SLC7A8: variants seen among roughly 807,000 people sequenced by gnomAD.
The protein encoded by SLC7A8 is solute carrier family 7 member 8, also known as large neutral amino acids transporter small subunit 2.
Under a neutral mutation model 51.2 loss-of-function variants are expected in SLC7A8, and 30 were observed. The observed-to-expected ratio is 0.59, with a 90% CI of 0.44 to 0.80. The LOEUF (loss-of-function observed/expected upper bound fraction) is 0.80. Among genes scored for constraint, SLC7A8 ranks in the 30% least tolerant of loss-of-function variants. The pLI is 0.00. For synonymous variants in SLC7A8, 257 were observed against 275.8 expected (o/e 0.93, Z 0.67); for missense variants, 612 against 674.4 (o/e 0.91, Z 1.03).
chr14:23,182,860 C>T lies in SLC7A8; in HGVS notation c.55G>A (p.Gly19Ser). The T allele has an allele frequency of 6.2e-7, 1 of 1,614,144 alleles. No individual in the cohort carries two copies. The highest frequency in any genetic ancestry group is 2.2e-5 in the East Asian group (1 of 44,868). ...NNTEKKHPGG[G>S]ESDASPEAGS... ...GCCTCGGGGCTGGCGTCCGACTCGC[C>T]CCCACCTGGGTGTTTCTTTTCGGTG... The change falls in exon 1 of 11, where the codon GGC becomes AGC. Residue 19 changes from glycine to serine, a missense_variant. Physicochemically the swap from Gly to Ser is moderately conservative, Grantham distance 56. Coordinates refer to ENST00000316902, the MANE Select transcript of SLC7A8 (RefSeq NM_012244.4).
At chr14:23,140,431 C>T (rs745473052) in intron 5 of SLC7A8, 40 bp downstream of exon 5, 2 of 1,562,538 alleles carry the variant, frequency 1.3e-6, no homozygotes, top group African/African-American at 1.4e-5. Flanking sequence ...GTGCTGTGGC[C>T]CTTCAAGGGA....
At chr14:23,170,750 T>A (rs2048971678) in intron 1 of SLC7A8, among the ~76,000 whole-genome samples, 2 of 151,606 alleles carry the variant, frequency 1.3e-5, no homozygotes, top group African/African-American at 4.9e-5. Flanking sequence ...TGGCTGTGGG[T>A]CTCACCACTC....
Position 23,144,662 on chromosome 14 carries a change from A to G in SLC7A8, c.509-1458T>C, listed in dbSNP as rs142296570. ...GCTGAGAACATTTGGTTAGGGTAGG[A>G]TGGTCCTGACATTAACCGTCTGTAA... On this transcript the variant is annotated intron_variant, in intron 3 of 10. Coordinates refer to ENST00000316902, the MANE Select transcript of SLC7A8 (RefSeq NM_012244.4). Among the ~76,000 whole-genome samples, 237 of 152,242 alleles carry G rather than the reference A, an allele frequency of 1.6e-3. No homozygotes were observed. In the Middle Eastern group the frequency reaches 0.017, roughly 11 times the overall value.
At chr14:23,148,898 A>G (rs2048821780) in intron 3 of SLC7A8, among the ~76,000 whole-genome samples, 1 of 152,256 alleles carries the variant, frequency 6.6e-6, no homozygotes, top group Admixed American at 6.5e-5. Context: ...TTGTAACAGT[A>G]GCAATAGGAA....
chr14:23,129,761 C>T lies in SLC7A8; in HGVS notation c.1152G>A (p.Met384Ile). ...STLLMLVTSD[M>I]YTLINYVGFI... ...AGCCCACATAGTTGATGAGTGTGTA[C>T]ATGTCGCTGGTGACCAGCATCAGCA... The change falls in exon 9 of 11, where the codon ATG becomes ATA. Residue 384 changes from methionine to isoleucine, a missense_variant. Met to Ile is a conservative substitution (Grantham distance 10). Transcript: ENST00000316902. 6.2e-7 allele frequency: 1 copy of T among 1,614,178 alleles called. No individual in the cohort carries two copies. The highest frequency in any genetic ancestry group is 8.5e-7 in the Non-Finnish European group (1 of 1,180,028).
chr14:23,172,400 C>T (rs2048979300), intron 1 of SLC7A8, among the ~76,000 whole-genome samples: 1 of 152,174 alleles, frequency 6.6e-6, no homozygotes, highest in South Asian at 2.1e-4. Flanking sequence ...TGAGCGCCCA[C>T]TCTGTACATG....
At chr14:23,175,033 G>T (rs1478110712) in intron 1 of SLC7A8, among the ~76,000 whole-genome samples, 1 of 152,202 alleles carries the variant, frequency 6.6e-6, no homozygotes, top group Non-Finnish European at 1.5e-5. Context: ...GAAGGCAGCT[G>T]TGCTGCTGGA....
chr14:23,162,502 A>G (rs774187483), intron 3 of SLC7A8, among the ~76,000 whole-genome samples: 1 of 152,228 alleles, frequency 6.6e-6, no homozygotes, highest in Non-Finnish European at 1.5e-5. Flanking sequence ...CCAAACTTAG[A>G]TAAGCTTTAT....
Position 23,145,526 on chromosome 14 carries a change from CAA to C in SLC7A8, c.509-2324_509-2323del, listed in dbSNP as rs1406855619. On this transcript the variant is annotated intron_variant, in intron 3 of 10. Coordinates refer to ENST00000316902, the MANE Select transcript of SLC7A8 (RefSeq NM_012244.4). Reference sequence around the variant, plus strand: ...TGGGTGACAGAGCTAGACCACATCTCAAAAAAAAAAGAAAAAAAAATTTTTTT... The same window carrying C: ...TGGGTGACAGAGCTAGACCACATCTCAAAAAAAAGAAAAAAAAATTTTTTT... 1.4e-4 allele frequency among the ~76,000 whole-genome samples: 6 copies of C among 41,810 alleles called. No individual in the cohort carries two copies. The South Asian group carries it at 3.0e-3, about 21-fold the overall frequency. 27.4% of individuals were successfully genotyped at this position (41,810 alleles called of 152,430 possible).
intron 8 of SLC7A8, 68 bp from the exon 9 acceptor site, chr14:23,129,867 G>A (rs1029421815): frequency 1.3e-6 from 2 of 1,563,832 alleles, no homozygotes; most frequent in African/African-American, 2.7e-5. Flanking sequence ...CAGATTAGGG[G>A]CTGTCCCCCA....
At chr14:23,168,500 T>C (rs980427123) in intron 1 of SLC7A8, among the ~76,000 whole-genome samples, 1 of 152,140 alleles carries the variant, frequency 6.6e-6, no homozygotes, top group Non-Finnish European at 1.5e-5. Flanking sequence ...GAGCGATCCA[T>C]AGGGAATTTC....
chr14:23,166,613 G>A, intron 1 of SLC7A8, 73 bp from the exon 2 acceptor site: 1 of 1,507,626 alleles, frequency 6.6e-7, no homozygotes, highest in Non-Finnish European at 9.2e-7. Flanking sequence ...CATTTGGAGG[G>A]TGGTCTCATT....
intron 7 of SLC7A8, among the ~76,000 whole-genome samples, chr14:23,132,495 T>C (rs965474465): frequency 6.6e-6 from 1 of 152,026 alleles, no homozygotes; most frequent in Non-Finnish European, 1.5e-5. Flanking sequence ...AGCAGGAAGA[T>C]TGCTTGAGCC....
intron 1 of SLC7A8, among the ~76,000 whole-genome samples, chr14:23,176,547 A>G (rs1291259149): frequency 6.6e-6 from 1 of 152,170 alleles, no homozygotes; most frequent in Non-Finnish European, 1.5e-5. Flanking sequence ...CTGTGACTCA[A>G]TTTCCCCATT....
intron 4 of SLC7A8, 64 bp downstream of exon 4, chr14:23,143,015 G>A (rs2048759065): frequency 1.9e-6 from 3 of 1,586,426 alleles, no homozygotes; most frequent in Admixed American, 1.7e-5. Flanking sequence ...AAGCTGGGCT[G>A]AGAGGGTGTG....
chr14:23,129,829 T>G, intron 8 of SLC7A8, 30 bp from the exon 9 acceptor site: 1 of 1,612,196 alleles, frequency 6.2e-7, no homozygotes, highest in Non-Finnish European at 8.5e-7. Context: ...TCATCAGTGA[T>G]CCGAAAGATA....
At chr14:23,168,391 A>G (rs1165850503) in intron 1 of SLC7A8, among the ~76,000 whole-genome samples, 1 of 152,180 alleles carries the variant, frequency 6.6e-6, no homozygotes, top group Non-Finnish European at 1.5e-5. Context: ...TGTTCTCTGG[A>G]CAATATCAAG....
At position 23,129,692 on chromosome 14, in the gene SLC7A8, T is replaced by C; in HGVS notation, c.1221A>G (p.Ile407Met). ...LFYGVTVAGQIVLRWKKPDIP... is the reference protein window; with the variant it reads ...LFYGVTVAGQMVLRWKKPDIP... ...TATCAGGCTTCTTCCAGCGAAGGAC[T>C]ATCTGTCCAGCAACCGTGACCCCAT... The change falls in exon 9 of 11, where the codon ATA (isoleucine) becomes ATG (methionine). Residue 407 changes from isoleucine (I) to methionine (M), a missense_variant. Coordinates refer to ENST00000316902, the MANE Select transcript of SLC7A8 (RefSeq NM_012244.4). 6.2e-7 allele frequency: 1 copy of C among 1,614,218 alleles called. No homozygotes were observed. The highest frequency in any genetic ancestry group is 8.5e-7 in the Non-Finnish European group (1 of 1,180,034).
At chr14:23,180,081 A>AT (rs201065330) in intron 1 of SLC7A8, among the ~76,000 whole-genome samples, 3 of 151,714 alleles carry the variant, frequency 2.0e-5, no homozygotes, top group African/African-American at 4.8e-5. Flanking sequence ...AATTTTTTGT[A>AT]TTTTTTAGTA....
Sources: allele counts gnomAD v4.1 joint callset (sites outside exome capture counted in the v4.1 genomes callset), GRCh38; gene constraint gnomAD v4.1.1; transcripts MANE v1.5; gene names NCBI Gene and HGNC (gene_info 2026-07-23, HGNC 2026-07-21).